Variants in USP6NL observed in about 807,000 individuals in gnomAD.
The protein encoded by USP6NL is USP6 N-terminal like.
In USP6NL, 26 loss-of-function variants were observed where a neutral mutation model predicts 61.9. That is an observed-to-expected ratio of 0.42 (90% CI 0.31 to 0.58). The LOEUF is 0.58. Among genes scored for constraint, USP6NL ranks in the 20% least tolerant of loss-of-function variants. The pLI, the probability that USP6NL is intolerant of heterozygous loss-of-function variation, is 0.16. For synonymous variants in USP6NL, 432 were observed against 390.1 expected (o/e 1.11, Z -1.27); for missense variants, 1,114 against 1,034.3 (o/e 1.08, Z -1.06).
Position 11,537,199 on chromosome 10 carries a change from C to A in USP6NL, c.5-9632G>T, listed in dbSNP as rs928652949. Reference sequence around the variant, plus strand: ...GATCACAGTTCACTGCAGCGTCAATCTCCCAGGTGATCCTCCCACCTCAGC... The same window carrying A: ...GATCACAGTTCACTGCAGCGTCAATATCCCAGGTGATCCTCCCACCTCAGC... On this transcript the variant is annotated intron_variant, in intron 2 of 14. Transcript: ENST00000609104. The surrounding 1 kb of genome is among the most constrained non-coding windows in gnomAD (Gnocchi z 5.1). Among the ~76,000 whole-genome samples the A allele has an allele frequency of 4.0e-5, 6 of 150,690 alleles. No homozygotes were observed. Among genetic ancestry groups the A allele is most frequent in the Admixed American group, 3.9e-4 (6 of 15,206 alleles).
Position 11,574,461 on chromosome 10 carries a change from T to C in USP6NL, c.4+23170A>G, listed in dbSNP as rs1267214874. The stretch of plus-strand genomic sequence containing the variant: ...ACAAGTATAACCACTGCTCCTTCCA[T>C]ATGATGTTTAACAGCCAAGTTGTAA... On this transcript the variant is annotated intron_variant, in intron 2 of 14. Transcript: ENST00000609104. This position sits in a 1 kb window ranked among gnomAD's most constrained non-coding sequence, Gnocchi z 4.3. Among the ~76,000 whole-genome samples, 4 of 152,246 alleles carry C rather than the reference T, an allele frequency of 2.6e-5. No individual in the cohort carries two copies. Among genetic ancestry groups the C allele is most frequent in the African/African-American group, 9.6e-5 (4 of 41,464 alleles).
At chr10:11,512,499 G>A (rs1284723000) in intron 5 of USP6NL, among the ~76,000 whole-genome samples, 1 of 152,164 alleles carries the variant, frequency 6.6e-6, no homozygotes, top group Non-Finnish European at 1.5e-5. Flanking sequence ...ACATGTCCCA[G>A]TTTATAATCC....
At chr10:11,523,925 T>A (rs987000013) in intron 4 of USP6NL, among the ~76,000 whole-genome samples, 49 of 152,218 alleles carry the variant, frequency 3.2e-4, no homozygotes, top group Admixed American at 7.2e-4. Flanking sequence ...CAGCTGATTC[T>A]AATGTGCAGG....
intron 13 of USP6NL, among the ~76,000 whole-genome samples, chr10:11,483,926 A>G (rs541525367): frequency 3.1e-4 from 47 of 152,278 alleles, no homozygotes; most frequent in African/African-American, 1.1e-3. Context: ...TTTCATTCCT[A>G]TCTAAAGTAT....
intron 5 of USP6NL, among the ~76,000 whole-genome samples, 178 bp from the exon 6 acceptor site, chr10:11,509,853 T>C (rs574035534): frequency 6.6e-6 from 1 of 152,212 alleles, no homozygotes; most frequent in Non-Finnish European, 1.5e-5. Context: ...AGTCCATAGC[T>C]AAAGTTAAGA....
chr10:11,582,246 G>C (rs1231852165), intron 2 of USP6NL, among the ~76,000 whole-genome samples: 2 of 152,144 alleles, frequency 1.3e-5, no homozygotes, highest in Non-Finnish European at 2.9e-5. Context: ...GATTACAGGC[G>C]TAAGCAACCA....
At chr10:11,515,808 T>C (rs992692808) in intron 5 of USP6NL, among the ~76,000 whole-genome samples, 2 of 152,022 alleles carry the variant, frequency 1.3e-5, no homozygotes, top group African/African-American at 2.4e-5. Flanking sequence ...CCAGCAGAGG[T>C]CAGAAGAAGA....
chr10:11,582,814 T>C (rs1465628521), intron 2 of USP6NL, among the ~76,000 whole-genome samples: 1 of 151,754 alleles, frequency 6.6e-6, no homozygotes, highest in Non-Finnish European at 1.5e-5. Flanking sequence ...ACACGGGAAA[T>C]AAAAATATAT....
At chr10:11,580,065 C>T (rs1234270133) in intron 2 of USP6NL, among the ~76,000 whole-genome samples, 1 of 150,430 alleles carries the variant, frequency 6.6e-6, no homozygotes, top group Non-Finnish European at 1.5e-5. Context: ...GGTTAACATC[C>T]TACAATTTAC....
At chr10:11,582,985 C>T (rs1286309428) in intron 2 of USP6NL, among the ~76,000 whole-genome samples, 2 of 148,798 alleles carry the variant, frequency 1.3e-5, no homozygotes, top group Admixed American at 1.3e-4. Flanking sequence ...GGTAATCAAC[C>T]TCCTTCCATT....
chr10:11,565,635 C>A (rs1229580546), intron 2 of USP6NL: 3 of 151,300 alleles, frequency 2.0e-5, no homozygotes, highest in African/African-American at 7.3e-5. Flanking sequence ...GGGCAAGACT[C>A]CGTCTGAAAA....
At chr10:11,521,721 T>A (rs1343551388) in intron 4 of USP6NL, among the ~76,000 whole-genome samples, 3 of 149,192 alleles carry the variant, frequency 2.0e-5, no homozygotes, top group South Asian at 4.2e-4. Flanking sequence ...ATTCTGCATA[T>A]CATATACAGT....
At chr10:11,464,011 CT>C (rs1566110160) in intron 14 of USP6NL, among the ~76,000 whole-genome samples, 162 bp from the exon 15 acceptor site, 1 of 152,202 alleles carries the variant, frequency 6.6e-6, no homozygotes, top group African/African-American at 2.4e-5. Context: ...CTTACACACA[CT>C]GTTTATACCA....
At chr10:11,530,662 G>C (rs1256699263) in intron 2 of USP6NL, among the ~76,000 whole-genome samples, 2 of 152,196 alleles carry the variant, frequency 1.3e-5, no homozygotes, top group Non-Finnish European at 2.9e-5. Context: ...TAAAAGCAGA[G>C]TGAATTTAAA....
intron 2 of USP6NL, among the ~76,000 whole-genome samples, chr10:11,541,273 A>ATATATATATG (rs1555169599): frequency 1.8e-5 from 2 of 113,560 alleles, no homozygotes; most frequent in Non-Finnish European, 3.5e-5. Flanking sequence ...ATATATATAT[A>ATATATATATG]TATGTATGTC....
chr10:11,587,437 TATAAGATG>T lies in USP6NL; in HGVS notation c.4+10186_4+10193del, dbSNP rs780334948. 4.0e-5 allele frequency among the ~76,000 whole-genome samples: 6 copies of T among 150,398 alleles called. No homozygotes were observed. Among genetic ancestry groups the T allele is most frequent in the Admixed American group, 2.0e-4 (3 of 15,012 alleles). On this transcript the variant is annotated intron_variant, in intron 2 of 14. Transcript: ENST00000609104. The surrounding 1 kb of genome is among the most constrained non-coding windows in gnomAD (Gnocchi z 4.5). ...ATTATTAAACTTTTAACAGTCATAC[TATAAGATG>T]ATAAGTATCCTGACATTTCATATTA...
intron 2 of USP6NL, among the ~76,000 whole-genome samples, chr10:11,590,507 T>C (rs1472310573): frequency 6.6e-6 from 1 of 152,180 alleles, no homozygotes; most frequent in Non-Finnish European, 1.5e-5. Flanking sequence ...CAAATCTCAG[T>C]TACTAAGCGG....
chr10:11,568,790 T>C (rs959188727), intron 2 of USP6NL, among the ~76,000 whole-genome samples: 1 of 152,188 alleles, frequency 6.6e-6, no homozygotes, highest in Non-Finnish European at 1.5e-5. Flanking sequence ...ACTCCATGAA[T>C]TGCACTCACA....
intron 14 of USP6NL, among the ~76,000 whole-genome samples, chr10:11,469,250 A>G (rs75366823): frequency 2.2e-4 from 33 of 152,330 alleles, no homozygotes; most frequent in African/African-American, 7.9e-4. Context: ...GCTATAACCT[A>G]CTTACTTCTT....
Sources: allele counts gnomAD v4.1 joint callset (sites outside exome capture counted in the v4.1 genomes callset), GRCh38; gene constraint gnomAD v4.1.1; non-coding constraint Gnocchi (gnomAD v3.1); transcripts MANE v1.5; gene names NCBI Gene and HGNC (gene_info 2026-07-23, HGNC 2026-07-21).